BEST1: variants seen among roughly 807,000 people sequenced by gnomAD.
BEST1 encodes bestrophin 1.
A neutral mutation model predicts 63.3 loss-of-function variants in BEST1; 58 were observed. The ratio of observed to expected loss-of-function variants is 0.92; its 90% CI spans 0.74 to 1.14. BEST1 has a LOEUF of 1.14. Ranked by LOEUF, BEST1 falls within the 50% of genes most tolerant of loss-of-function variation. BEST1 has a pLI of 0.00. For synonymous variants in BEST1, 283 were observed against 291.6 expected, an observed-to-expected ratio of 0.97 and a Z score of 0.30; for missense variants, 671 against 740.1, an observed-to-expected ratio of 0.91 and a Z score of 1.08.
chr11:61,965,337 G>C, downstream of BEST1: 1 of 1,611,574 alleles, frequency 6.2e-7, no homozygotes, highest in African/African-American at 1.3e-5. Context: ...GCCAGATGAT[G>C]AAGTATGACA....
chr11:61,953,596 G>A (rs1940948305), intron 2 of BEST1, among the ~76,000 whole-genome samples: 1 of 152,194 alleles, frequency 6.6e-6, no homozygotes, highest in African/African-American at 2.4e-5. Context: ...TGTAGTTCCA[G>A]CTACTCAGGA....
At chr11:61,956,362 C>T (rs1941359330) in intron 4 of BEST1, among the ~76,000 whole-genome samples, 1 of 152,140 alleles carries the variant, frequency 6.6e-6, no homozygotes, top group Admixed American at 6.5e-5. Flanking sequence ...GTTAATAAGA[C>T]AGACCCAGGC....
In BEST1 at chr11:61,958,763, C is replaced by G. The variant is rs990074332; in HGVS notation, c.867+465C>G. 3.4e-5 allele frequency: 12 copies of G among 348,806 alleles called. 2 individuals carry two copies. Among genetic ancestry groups the G allele is most frequent in the Middle Eastern group, 9.8e-4 (1 of 1,024 alleles). 21.6% of individuals were successfully genotyped at this position (348,806 alleles called of 1,614,324 possible). On this transcript the variant is annotated intron_variant, in intron 7 of 10. Transcript: ENST00000378043. ...GAATCACACAGTTTTCTCTCCACCTCTTTATCTTTCCTTCCTTCTGTTGCC... is the reference window on the plus strand; with the variant it reads ...GAATCACACAGTTTTCTCTCCACCTGTTTATCTTTCCTTCCTTCTGTTGCC...
chr11:61,963,074 G>A (rs753857645), intron 10 of BEST1, 181 bp downstream of exon 10: 2 of 1,487,196 alleles, frequency 1.3e-6, no homozygotes, highest in South Asian at 1.4e-5. Context: ...GGATCCTAGG[G>A]AAGTGTTCGG....
At chr11:61,959,094 G>A (rs914254167) in intron 7 of BEST1, 4 of 305,556 alleles carry the variant, frequency 1.3e-5, no homozygotes, top group African/African-American at 6.5e-5. Context: ...GCTTTGTTAG[G>A]GCATTTTAGA....
chr11:61,955,352 C>A, intron 3 of BEST1, 151 bp downstream of exon 3: 1 of 1,505,332 alleles, frequency 6.6e-7, no homozygotes, highest in South Asian at 1.3e-5. Context: ...GGGAAAGGTG[C>A]GGACTGCAGC....
chr11:61,962,806 A>C lies in BEST1; in HGVS notation c.1652A>C (p.His551Pro). ...GATATGCCAGAGATCCCCGAAAATC[A>C]CCTCAAAGAACCTTTGGAACAATCA... Reference protein sequence around the residue: ...LTDMPEIPENHLKEPLEQSPT... With the variant: ...LTDMPEIPENPLKEPLEQSPT... The change falls in exon 10 of 11, where the codon CAC becomes CCC. Residue 551 changes from histidine (H) to proline (P), a missense_variant. Coordinates refer to ENST00000378043, the MANE Select transcript of BEST1 (RefSeq NM_004183.4). 2 of 1,614,182 alleles carry C rather than the reference A, an allele frequency of 1.2e-6. No homozygotes were observed. The highest frequency in any genetic ancestry group is 1.7e-6 in the Non-Finnish European group (2 of 1,180,026).
chr11:61,954,133 C>T (rs900506844), intron 2 of BEST1, among the ~76,000 whole-genome samples: 3 of 152,140 alleles, frequency 2.0e-5, no homozygotes, highest in African/African-American at 7.2e-5. Context: ...GAAAAAGAGT[C>T]AGACTTCATT....
intron 3 of BEST1, chr11:61,955,484 T>C: frequency 8.2e-7 from 1 of 1,223,334 alleles, no homozygotes; most frequent in Admixed American, 2.9e-5. Context: ...GGAGGGGGTC[T>C]GGCGGATTTC....
At chr11:61,953,270 C>T (rs150644642) in intron 2 of BEST1, among the ~76,000 whole-genome samples, 144 of 151,970 alleles carry the variant, frequency 9.5e-4, no homozygotes, top group African/African-American at 3.3e-3. Flanking sequence ...TACTAGGGCA[C>T]CAAGGTACTT....
chr11:61,963,581 G>T lies in BEST1; in HGVS notation c.1740-523G>T, dbSNP rs893745426. On this transcript the variant is annotated intron_variant, in intron 10 of 10. Transcript: ENST00000378043. ...CAGCCCCAATCACGTGGGAGGAAGT[G>T]TAACTTCCCTTTTCTGGATTCTCAA... The T allele has an allele frequency of 1.5e-5, 15 of 1,026,556 alleles. No individual in the cohort carries two copies. The East Asian group carries it at 1.1e-3, about 72-fold the overall frequency. The allele number at this position is 1,026,556 out of a possible 1,614,324, so 63.6% of individuals were successfully genotyped here. A position where few individuals can be genotyped will look rare whatever the true frequency, so the allele number is the denominator to read the frequency against.
chr11:61,964,761 T>C (rs1942401238), downstream of BEST1: 1 of 1,599,436 alleles, frequency 6.3e-7, no homozygotes, highest in Non-Finnish European at 8.5e-7. Context: ...CAGGGTGTGC[T>C]TGTCAAAGAG....
intron 2 of BEST1, chr11:61,954,793 C>A (rs183176): frequency 0.91 from 894,745 of 985,206 alleles, 406,777 homozygotes; most frequent in East Asian, 1. Flanking sequence ...TGACCCTTGG[C>A]TGCATTCAAA....
chr11:61,963,869 G>A (rs562666877), intron 10 of BEST1: 87 of 1,330,032 alleles, frequency 6.5e-5, no homozygotes, highest in Admixed American at 2.4e-4. Flanking sequence ...GCTGGGCGTC[G>A]TGGTGTGCCT....
At chr11:61,952,160 C>T (rs527626736) in intron 2 of BEST1, among the ~76,000 whole-genome samples, 1 of 152,290 alleles carries the variant, frequency 6.6e-6, no homozygotes, top group East Asian at 1.9e-4. Context: ...TGAGAGGCTG[C>T]TCAAGCCAGG....
chr11:61,954,743 C>T, intron 2 of BEST1: 1 of 956,794 alleles, frequency 1.0e-6, no homozygotes, highest in South Asian at 4.8e-5. Context: ...AACCACCGTG[C>T]CCGTCCCAAA....
At chr11:61,964,650 A>G (rs948437706), downstream of BEST1, 1 of 1,466,646 alleles carries the variant, frequency 6.8e-7, no homozygotes, top group Non-Finnish European at 9.4e-7. Flanking sequence ...GAAAAGGTAA[A>G]GGAAACCCCA....
intron 2 of BEST1, among the ~76,000 whole-genome samples, chr11:61,953,637 G>A (rs182539957): frequency 4.1e-4 from 63 of 152,302 alleles, no homozygotes; most frequent in African/African-American, 9.6e-4. Flanking sequence ...TTGAGCCCGG[G>A]AGGCAGAGGT....
At chr11:61,963,151 G>T in intron 10 of BEST1, 1 of 1,453,558 alleles carries the variant, frequency 6.9e-7, no homozygotes, top group South Asian at 1.5e-5. Flanking sequence ...GGAAGATGAG[G>T]TTGTGCTGAC....
Sources: gnomAD v4.1 joint callset for allele counts (sites outside exome capture counted in the v4.1 genomes callset) on GRCh38, gnomAD v4.1.1 for gene constraint, MANE v1.5 for transcripts, NCBI Gene and HGNC (gene_info 2026-07-23, HGNC 2026-07-21) for gene names.